MEX3D: variants seen among roughly 807,000 people sequenced by gnomAD.
MEX3D encodes the protein mex-3 RNA binding family member D.
Under a neutral mutation model 6.3 loss-of-function variants are expected in MEX3D, and 4 were observed. That is an observed-to-expected ratio of 0.64 (90% confidence interval 0.31 to 1.46). The LOEUF (loss-of-function observed/expected upper bound fraction) is 1.46, where lower values mean the gene tolerates loss of function less well. Ranked by LOEUF, MEX3D falls within the 40% of genes most tolerant of loss-of-function variation. The pLI is 0.07. For missense variants in MEX3D, 1,038 were observed against 994.4 expected, an observed-to-expected ratio of 1.04 and a Z score of -0.59; for synonymous variants, 626 against 494.1, an observed-to-expected ratio of 1.27 and a Z score of -3.54.
intron 1 of MEX3D, among the ~76,000 whole-genome samples, chr19:1,562,239 C>T (rs980350472): frequency 1.2e-4 from 16 of 136,804 alleles, no homozygotes; most frequent in Non-Finnish European, 2.0e-4. Context: ...CTAGCCTGGG[C>T]GACAGAGTGA....
rs1426501916 is a variant in MEX3D, at chr19:1,556,166, G to A, written c.1353C>T (p.Cys451=). Residue 451 remains cysteine (C), a synonymous_variant, in exon 2 of 2, where the codon TGC becomes TGT. Coordinates refer to ENST00000402693, the MANE Select transcript of MEX3D (RefSeq NM_203304.4). The surrounding 1 kb of genome is among the most constrained non-coding windows in gnomAD (Gnocchi z 7.5). Reference sequence around the variant, plus strand: ...GGAAGTCGAAGTCGAAGCCGAAGTCGCAGTCGTCGGGGGCGGCCGTCCCCA... The same window carrying A: ...GGAAGTCGAAGTCGAAGCCGAAGTCACAGTCGTCGGGGGCGGCCGTCCCCA... ...APVGTAAPDD[C]DFGFDFDFLA... is the part of the protein sequence containing the mutation. 6.8e-7 allele frequency: 1 copy of A among 1,470,504 alleles called. No homozygotes were observed. Among genetic ancestry groups the A allele is most frequent in the Non-Finnish European group, 9.0e-7 (1 of 1,111,360 alleles). The allele number at this position is 1,470,504 out of a possible 1,614,324, so 91.1% of individuals were successfully genotyped here.
At chr19:1,562,907 A>G (rs1416547643) in intron 1 of MEX3D, among the ~76,000 whole-genome samples, 1 of 151,952 alleles carries the variant, frequency 6.6e-6, no homozygotes, top group Non-Finnish European at 1.5e-5. Context: ...AATCCCAGCT[A>G]CTCGGGAGGC....
rs1292644445 is a variant in MEX3D at position 1,556,343 on chromosome 19, C to G, written c.1176G>C (p.Gly392=). Residue 392 remains glycine, a synonymous_variant, in exon 2 of 2, where the codon GGG becomes GGC. Coordinates refer to ENST00000402693, the MANE Select transcript of MEX3D (RefSeq NM_203304.4). The surrounding 1 kb of genome is among the most constrained non-coding windows in gnomAD (Gnocchi z 7.5). The part of the protein sequence containing the change: ...RPPTATAGLR[G]DTALGAPSAP... ...CGCTGGGGGCGCCCAGGGCCGTGTCCCCGCGGAGGCCGGCCGTGGCCGTGG... is the reference window on the plus strand; with the variant it reads ...CGCTGGGGGCGCCCAGGGCCGTGTCGCCGCGGAGGCCGGCCGTGGCCGTGG... 1 of 1,405,136 alleles carries G rather than the reference C, an allele frequency of 7.1e-7. No individual in the cohort carries two copies. Among genetic ancestry groups the G allele is most frequent in the Non-Finnish European group, 9.2e-7 (1 of 1,088,334 alleles). 87.0% of individuals were successfully genotyped at this position (1,405,136 alleles called of 1,614,324 possible). A position where few individuals can be genotyped will look rare whatever the true frequency, so the allele number is the denominator to read the frequency against.
chr19:1,555,441 CT>C lies in MEX3D; in HGVS notation c.*121del. 86 of 1,401,746 alleles carry C rather than the reference CT, an allele frequency of 6.1e-5. No homozygotes were observed. Among genetic ancestry groups the C allele is most frequent in the South Asian group, 4.4e-4 (35 of 79,948 alleles). The allele number at this position is 1,401,746 out of a possible 1,614,324, so 86.8% of individuals were successfully genotyped here. Reference sequence around the variant, plus strand: ...TAAACACTGGCCGCCGCCCACCCCCCTGCCCCCTCGGCCTCCGCCCCTCGCC... The same window carrying C: ...TAAACACTGGCCGCCGCCCACCCCCCGCCCCCTCGGCCTCCGCCCCTCGCC... On this transcript the variant is annotated 3_prime_UTR_variant, in exon 2 of 2. Coordinates refer to ENST00000402693, the MANE Select transcript of MEX3D (RefSeq NM_203304.4).
rs1914479308 is a variant in MEX3D, at chr19:1,555,152, GA to G, written c.*410del. 1.9e-6 allele frequency: 1 copy of G among 518,644 alleles called. No individual in the cohort carries two copies. Among genetic ancestry groups the G allele is most frequent in the South Asian group, 2.2e-5 (1 of 45,254 alleles). The allele number at this position is 518,644 out of a possible 1,614,324, so 32.1% of individuals were successfully genotyped here. On this transcript the variant is annotated 3_prime_UTR_variant, in exon 2 of 2. Coordinates refer to ENST00000402693, the MANE Select transcript of MEX3D (RefSeq NM_203304.4). The stretch of plus-strand genomic sequence containing the variant: ...TGTGCGGCCTGAGACCGGCCGGCGA[GA>G]AAAGTCAAATCAGAAAACGGCTTCG...
chr19:1,558,154 G>GT (rs1914625985), intron 1 of MEX3D, among the ~76,000 whole-genome samples: 1 of 151,556 alleles, frequency 6.6e-6, no homozygotes, highest in Non-Finnish European at 1.5e-5. Context: ...GAGCCCAGGA[G>GT]TTTGAGACCA....
chr19:1,566,454 G>A (rs972705534), intron 1 of MEX3D, among the ~76,000 whole-genome samples: 3 of 152,148 alleles, frequency 2.0e-5, no homozygotes, highest in African/African-American at 7.2e-5. Context: ...GGATTCCCGA[G>A]GGCCCCGGGG....
intron 1 of MEX3D, among the ~76,000 whole-genome samples, chr19:1,563,004 G>A (rs1337461033): frequency 6.6e-6 from 1 of 152,128 alleles, no homozygotes; most frequent in African/African-American, 2.4e-5. Context: ...GGCGACAAGA[G>A]CAAGACCCTG....
At chr19:1,559,227 G>C (rs906297627) in intron 1 of MEX3D, among the ~76,000 whole-genome samples, 2 of 152,028 alleles carry the variant, frequency 1.3e-5, no homozygotes, top group African/African-American at 4.8e-5. Context: ...TGCCTCCTAG[G>C]TTCAAACAAT....
chr19:1,555,293 G>GCGGACCTTTTCTCTC lies in MEX3D; in HGVS notation c.*255_*269dup. On this transcript the variant is annotated 3_prime_UTR_variant, in exon 2 of 2. Transcript: ENST00000402693. ...AATAAGAAAACTAAAAAAAGTGCAAGCGGACCTTTTCTCTCCGGTTTATTG... is the reference window on the plus strand; with the variant it reads ...AATAAGAAAACTAAAAAAAGTGCAAGCGGACCTTTTCTCTCCGGACCTTTTCTCTCCGGTTTATTG... The GCGGACCTTTTCTCTC allele has an allele frequency of 6.4e-7, 1 of 1,567,362 alleles. No individual in the cohort carries two copies. The highest frequency in any genetic ancestry group is 1.1e-5 in the South Asian group (1 of 88,530).
chr19:1,556,348 G>A lies in MEX3D; in HGVS notation c.1171C>T (p.Arg391Cys). ...GGGGCGCCCAGGGCCGTGTCCCCGC[G>A]GAGGCCGGCCGTGGCCGTGGGGGGC... ...RRPPTATAGL[R>C]GDTALGAPSA... Residue 391 changes from arginine (R) to cysteine (C), a missense_variant, in exon 2 of 2, where the codon CGC becomes TGC. Arg to Cys is a radical substitution (Grantham distance 180). Around this residue, in one of 5 missense-constraint regions of MEX3D, gnomAD observed 581 missense variants for 516.2 expected, o/e 1.13. Coordinates refer to ENST00000402693, the MANE Select transcript of MEX3D (RefSeq NM_203304.4). This position sits in a 1 kb window ranked among gnomAD's most constrained non-coding sequence, Gnocchi z 7.5. The A allele has an allele frequency of 2.1e-6, 3 of 1,422,158 alleles. No homozygotes were observed. Among genetic ancestry groups the A allele is most frequent in the East Asian group, 2.8e-5 (1 of 35,404 alleles). The allele number at this position is 1,422,158 out of a possible 1,614,324, so 88.1% of individuals were successfully genotyped here.
chr19:1,567,641 G>T lies in MEX3D; in HGVS notation c.418C>A (p.Arg140=), dbSNP rs1328885520. 1 of 1,242,732 alleles carries T rather than the reference G, an allele frequency of 8.0e-7. No individual in the cohort carries two copies. The highest frequency in any genetic ancestry group is 1.6e-5 in the African/African-American group (1 of 63,068). 77.0% of individuals were successfully genotyped at this position (1,242,732 alleles called of 1,614,324 possible). A position where few individuals can be genotyped will look rare whatever the true frequency, so the allele number is the denominator to read the frequency against. The part of the protein sequence containing the change: ...NASPPPPPPP[R]PSPPDVFAGF... ...GCGAACACGTCGGGGGGCGACGGCC[G>T]GGGCGGCGGCGGCGGCGGGGGACTC... The change falls in exon 1 of 2, where the codon CGG becomes AGG. Residue 140 remains arginine, a synonymous_variant. Coordinates refer to ENST00000402693, the MANE Select transcript of MEX3D (RefSeq NM_203304.4). This position sits in a 1 kb window ranked among gnomAD's most constrained non-coding sequence, Gnocchi z 6.5.
At chr19:1,560,007 G>A (rs1422851069) in intron 1 of MEX3D, among the ~76,000 whole-genome samples, 1 of 152,210 alleles carries the variant, frequency 6.6e-6, no homozygotes, top group African/African-American at 2.4e-5. Context: ...TGACTGCATC[G>A]GGTTGGGCCT....
chr19:1,555,363 C>G lies in MEX3D; in HGVS notation c.*200G>C. The G allele has an allele frequency of 1.2e-6, 2 of 1,602,664 alleles. No homozygotes were observed. The highest frequency in any genetic ancestry group is 1.7e-6 in the Non-Finnish European group (2 of 1,174,088). Reference sequence around the variant, plus strand: ...TGTCGTTGAAGGGCTGAGGCGCCGCCGGGCTGCGGGGTCTCCGTCTCCACG... The same window carrying G: ...TGTCGTTGAAGGGCTGAGGCGCCGCGGGGCTGCGGGGTCTCCGTCTCCACG... On this transcript the variant is annotated 3_prime_UTR_variant, in exon 2 of 2. Transcript: ENST00000402693.
rs945799818 is a variant in MEX3D, at chr19:1,567,395, C to A, written c.595+69G>T. On this transcript the variant is annotated intron_variant, in intron 1 of 1. Transcript: ENST00000402693. The surrounding 1 kb of genome is among the most constrained non-coding windows in gnomAD (Gnocchi z 6.5). ...CGGCGCGGGCTGGGCTGGGCTCGGG[C>A]GACCCCCTTCCCCGGGGCGGACGGT... 10 of 1,457,882 alleles carry A rather than the reference C, an allele frequency of 6.9e-6. No individual in the cohort carries two copies. The highest frequency in any genetic ancestry group is 5.9e-5 in the East Asian group (2 of 33,744). The allele number at this position is 1,457,882 out of a possible 1,614,324, so 90.3% of individuals were successfully genotyped here. A position where few individuals can be genotyped will look rare whatever the true frequency, so the allele number is the denominator to read the frequency against.
intron 1 of MEX3D, among the ~76,000 whole-genome samples, chr19:1,562,138 G>A (rs562225621): frequency 2.6e-5 from 4 of 151,928 alleles, no homozygotes; most frequent in South Asian, 4.2e-4. Context: ...GTGGGCGCCT[G>A]TAGTCCCAGC....
At chr19:1,558,048 TCA>T (rs1491210370) in intron 1 of MEX3D, among the ~76,000 whole-genome samples, 1 of 54,078 alleles carries the variant, frequency 1.8e-5, no homozygotes. Context: ...AGACTCCATT[TCA>T]AAAAAAAAAA....
At position 1,556,124 on chromosome 19, in the gene MEX3D, G is replaced by A. The variant is rs768380610; in HGVS notation, c.1395C>T (p.Thr465=). The A allele has an allele frequency of 2.3e-5, 33 of 1,463,080 alleles. No homozygotes were observed. The highest frequency in any genetic ancestry group is 2.7e-5 in the Non-Finnish European group (30 of 1,107,418). The allele number at this position is 1,463,080 out of a possible 1,614,324, so 90.6% of individuals were successfully genotyped here. ...FDFDFLALDL[T]VPAAATIWAP... ...CCCAGATGGTGGCCGCGGCGGGCAC[G>A]GTCAGGTCCAGCGCCAGGAAGTCGA... is the stretch of plus-strand genomic sequence containing the variant. The change falls in exon 2 of 2, where the codon ACC becomes ACT. Residue 465 remains threonine, a synonymous_variant. Coordinates refer to ENST00000402693, the MANE Select transcript of MEX3D (RefSeq NM_203304.4). This position sits in a 1 kb window ranked among gnomAD's most constrained non-coding sequence, Gnocchi z 7.5.
Position 1,555,469 on chromosome 19 carries a change from CCTCCCCGTCCCT to C in MEX3D, c.*82_*93del, listed in dbSNP as rs1402073420. ...CCCCCTCGGCCTCCGCCCCTCGCCC[CCTCCCCGTCCCT>C]CTCCCACCCCGGGTCCCGCCCCGTC... On this transcript the variant is annotated 3_prime_UTR_variant, in exon 2 of 2. Transcript: ENST00000402693. 1.8e-4 allele frequency: 274 copies of C among 1,492,668 alleles called. No homozygotes were observed. The highest frequency in any genetic ancestry group is 2.4e-4 in the Middle Eastern group (1 of 4,188). 92.5% of individuals were successfully genotyped at this position (1,492,668 alleles called of 1,614,324 possible).
Sources: gnomAD v4.1 joint callset for allele counts (sites outside exome capture counted in the v4.1 genomes callset) on GRCh38, gnomAD v4.1.1 for gene constraint, gnomAD v4.1.1 regional missense constraint, Gnocchi (gnomAD v3.1) non-coding constraint, MANE v1.5 for transcripts, NCBI Gene and HGNC (gene_info 2026-07-23, HGNC 2026-07-21) for gene names.